The following SLC23A2 variants were observed in gnomAD, a reference collection of about 807,000 sequenced individuals.
SLC23A2 encodes solute carrier family 23 member 2.
A neutral mutation model predicts 73.3 loss-of-function variants in SLC23A2; 36 were observed. That is an observed-to-expected ratio of 0.49 (90% CI 0.38 to 0.65). The LOEUF (loss-of-function observed/expected upper bound fraction) is 0.65. Ranked by LOEUF, SLC23A2 falls within the 30% of genes least tolerant of loss-of-function variation. SLC23A2 has a pLI of 0.00. For missense variants in SLC23A2, 507 were observed against 841.6 expected, an observed-to-expected ratio of 0.60 and a Z score of 4.92; for synonymous variants, 343 against 327.3, an observed-to-expected ratio of 1.05 and a Z score of -0.52.
chr20:4,892,049 C>T (rs558569578), intron 6 of SLC23A2, among the ~76,000 whole-genome samples: 6 of 152,190 alleles, frequency 3.9e-5, no homozygotes, highest in African/African-American at 1.4e-4. Flanking sequence ...CCATGGTGTC[C>T]TGCTCACTAA....
At chr20:4,932,164 TAAA>T (rs1932797499) in intron 3 of SLC23A2, among the ~76,000 whole-genome samples, 1 of 152,156 alleles carries the variant, frequency 6.6e-6, no homozygotes, top group African/African-American at 2.4e-5. Flanking sequence ...CTTTTGAAGA[TAAA>T]ATTAAGTCTT....
intron 1 of SLC23A2, among the ~76,000 whole-genome samples, chr20:4,994,651 C>T (rs952156835): frequency 1.1e-4 from 17 of 152,036 alleles, no homozygotes; most frequent in African/African-American, 3.9e-4. Flanking sequence ...GGCGTAGCTA[C>T]TCAGGAGGCC....
At chr20:4,923,062 A>G (rs1407994206) in intron 3 of SLC23A2, among the ~76,000 whole-genome samples, 2 of 152,154 alleles carry the variant, frequency 1.3e-5, no homozygotes, top group East Asian at 1.9e-4. Context: ...TTGCAATATG[A>G]TAAACTTATC....
Position 4,872,371 on chromosome 20 carries a change from C to A in SLC23A2, c.1102+1565G>T, listed in dbSNP as rs1009811404. 1.3e-5 allele frequency among the ~76,000 whole-genome samples: 2 copies of A among 152,202 alleles called. No homozygotes were observed. The highest frequency in any genetic ancestry group is 6.5e-5 in the Admixed American group (1 of 15,286). ...GCAGGCCAGGAGCCCTACGTGCTCG[C>A]TCACGGCCAGCACAACCTCAGGCGC... On this transcript the variant is annotated intron_variant, in intron 11 of 16. Transcript: ENST00000338244. The surrounding 1 kb of genome is among the most constrained non-coding windows in gnomAD (Gnocchi z 4.4).
chr20:4,891,434 A>AT (rs1931328650), intron 6 of SLC23A2, among the ~76,000 whole-genome samples: 1 of 152,050 alleles, frequency 6.6e-6, no homozygotes, highest in Admixed American at 6.5e-5. Flanking sequence ...CGCCTTAGAG[A>AT]ACAAGCTTGG....
chr20:4,901,527 GA>G (rs760811266), intron 5 of SLC23A2, among the ~76,000 whole-genome samples: 5 of 152,176 alleles, frequency 3.3e-5, no homozygotes, highest in Non-Finnish European at 5.9e-5. Flanking sequence ...TTCATCCTAT[GA>G]AAGGGAAAAG....
At chr20:4,910,416 T>C (rs955477337) in intron 4 of SLC23A2, among the ~76,000 whole-genome samples, 2 of 151,588 alleles carry the variant, frequency 1.3e-5, no homozygotes, top group Non-Finnish European at 2.9e-5. Flanking sequence ...GGGTCTGGCT[T>C]AATGACTAGC....
Position 4,857,588 on chromosome 20 carries a change from G to A in SLC23A2, c.1721-384C>T, listed in dbSNP as rs1248536604. On this transcript the variant is annotated intron_variant, in intron 16 of 16. Coordinates refer to ENST00000338244, the MANE Select transcript of SLC23A2 (RefSeq NM_005116.6). This position sits in a 1 kb window ranked among gnomAD's most constrained non-coding sequence, Gnocchi z 4.0. ...GTTCATTCTATCGGTCTCCCATCTGGTTACCTAGTCTTCTGGCTCATCACC... is the reference window on the plus strand; with the variant it reads ...GTTCATTCTATCGGTCTCCCATCTGATTACCTAGTCTTCTGGCTCATCACC... Among the ~76,000 whole-genome samples, 2 of 152,030 alleles carry A rather than the reference G, an allele frequency of 1.3e-5. No homozygotes were observed. The highest frequency in any genetic ancestry group is 2.9e-5 in the Non-Finnish European group (2 of 68,008).
intron 2 of SLC23A2, among the ~76,000 whole-genome samples, chr20:4,950,625 GC>G (rs2087186170): frequency 6.6e-6 from 1 of 152,148 alleles, no homozygotes; most frequent in Non-Finnish European, 1.5e-5. Context: ...CTGACTCCAA[GC>G]CAGGGCCTAC....
rs774843546 is a variant in SLC23A2 at position 4,883,609 on chromosome 20, A to AG, written c.824+32dup. On this transcript the variant is annotated intron_variant, in intron 9 of 16. Coordinates refer to ENST00000338244, the MANE Select transcript of SLC23A2 (RefSeq NM_005116.6). This position sits in a 1 kb window ranked among gnomAD's most constrained non-coding sequence, Gnocchi z 4.5. ...TGAATGTTCCTAAAGGCTGCCCCGCAGTGGTGGGATGAGGGGAGATGTTTC... is the reference window on the plus strand; with the variant it reads ...TGAATGTTCCTAAAGGCTGCCCCGCAGGTGGTGGGATGAGGGGAGATGTTTC... The AG allele has an allele frequency of 2.6e-6, 4 of 1,512,208 alleles. No individual in the cohort carries two copies. The highest frequency in any genetic ancestry group is 1.8e-6 in the Non-Finnish European group (2 of 1,105,630). The allele number at this position is 1,512,208 out of a possible 1,614,324, so 93.7% of individuals were successfully genotyped here. A position where few individuals can be genotyped will look rare whatever the true frequency, so the allele number is the denominator to read the frequency against.
intron 9 of SLC23A2, among the ~76,000 whole-genome samples, chr20:4,878,776 CTAAA>C (rs1233647068): frequency 1.3e-5 from 2 of 152,144 alleles, no homozygotes; most frequent in Non-Finnish European, 2.9e-5. Flanking sequence ...GCCATCTATA[CTAAA>C]TATTTATTTT....
intron 15 of SLC23A2, 140 bp downstream of exon 15, chr20:4,861,808 A>G: frequency 1.2e-6 from 1 of 820,682 alleles, no homozygotes; most frequent in Non-Finnish European, 2.0e-6. Context: ...TTGAAAAGTG[A>G]GATTCAAGAG....
chr20:4,987,586 C>T (rs531042249), intron 1 of SLC23A2, among the ~76,000 whole-genome samples: 17 of 152,246 alleles, frequency 1.1e-4, no homozygotes, highest in East Asian at 9.6e-4. Flanking sequence ...CGGTGGCTCA[C>T]GCCTATAATC....
intron 3 of SLC23A2, among the ~76,000 whole-genome samples, chr20:4,930,567 C>T (rs1451562277): frequency 6.6e-6 from 1 of 151,988 alleles, no homozygotes; most frequent in East Asian, 1.9e-4. Flanking sequence ...ACCTGTAATC[C>T]CAGCATTTTG....
chr20:4,952,683 C>T (rs553307383), intron 2 of SLC23A2, among the ~76,000 whole-genome samples: 7 of 152,260 alleles, frequency 4.6e-5, no homozygotes, highest in East Asian at 1.9e-4. Context: ...GGTTATAAAA[C>T]GCAATGCATA....
In SLC23A2 at chr20:4,986,689, C is replaced by CAG. The variant is rs5840061; in HGVS notation, c.-282+14715_-282+14716dup. Among the ~76,000 whole-genome samples, 25 of 129,962 alleles carry CAG rather than the reference C, an allele frequency of 1.9e-4. No individual in the cohort carries two copies. In the South Asian group the frequency reaches 1.9e-3, roughly 10 times the overall value. The allele number at this position is 129,962 out of a possible 152,430, so 85.3% of individuals were successfully genotyped here. ...ACACACACACACACACACACACACA[C>CAG]AGAGATGAATATAAATAGAGAGAAG... On this transcript the variant is annotated intron_variant, in intron 1 of 16. Transcript: ENST00000338244.
intron 1 of SLC23A2, among the ~76,000 whole-genome samples, chr20:4,981,492 G>A (rs184127260): frequency 3.5e-4 from 54 of 152,268 alleles, no homozygotes; most frequent in African/African-American, 1.2e-3. Context: ...CTCATCAACT[G>A]CATCCTGGTC....
At chr20:4,992,316 G>T (rs749135972) in intron 1 of SLC23A2, among the ~76,000 whole-genome samples, 1 of 151,946 alleles carries the variant, frequency 6.6e-6, no homozygotes, top group Non-Finnish European at 1.5e-5. Flanking sequence ...AGTTAATAAG[G>T]ATGAATTAAT....
chr20:4,974,110 C>G (rs933976747), intron 1 of SLC23A2, among the ~76,000 whole-genome samples: 10 of 152,120 alleles, frequency 6.6e-5, no homozygotes, highest in African/African-American at 2.4e-4. Flanking sequence ...AACCTTTGAA[C>G]AGCCAAATCA....
Sources: allele counts gnomAD v4.1 joint callset (sites outside exome capture counted in the v4.1 genomes callset), GRCh38; gene constraint gnomAD v4.1.1; non-coding constraint Gnocchi (gnomAD v3.1); transcripts MANE v1.5; gene names NCBI Gene and HGNC (gene_info 2026-07-23, HGNC 2026-07-21).